Variants in THNSL1 observed in about 807,000 individuals in gnomAD.
The protein encoded by THNSL1 is threonine synthase-like 1.
In THNSL1, 48 loss-of-function variants were observed where a neutral mutation model predicts 50.4. The observed-to-expected ratio is 0.95, with a 90% CI of 0.76 to 1.21. The LOEUF (loss-of-function observed/expected upper bound fraction) is 1.21, where lower values mean the gene tolerates loss of function less well. Ranked by LOEUF, THNSL1 falls within the 50% of genes most tolerant of loss-of-function variation. The probability of loss-of-function intolerance (pLI) is 0.00; values close to 1 mark genes in which losing one functional copy is unlikely to be tolerated. For synonymous variants in THNSL1, 309 were observed against 306.1 expected (o/e 1.01, Z -0.10); for missense variants, 896 against 871.7 (o/e 1.03, Z -0.35).
At chr10:24,964,361 T>C in the THNSL1 span, among the ~76,000 whole-genome samples, 347 of 152,328 alleles carry the variant, frequency 2.3e-3, 3 homozygotes, top group African/African-American at 7.1e-3. Context: ...CTCATGAATA[T>C]GGGAATAACG....
intron 1 of THNSL1, chr10:25,016,915 C>G (rs961510892): frequency 2.0e-5 from 3 of 152,558 alleles, no homozygotes; most frequent in African/African-American, 7.2e-5. Context: ...GCGCATTTTT[C>G]CTGCTGCTTC....
chr10:24,972,674 C>T, the THNSL1 span, among the ~76,000 whole-genome samples: 1 of 152,050 alleles, frequency 6.6e-6, no homozygotes, highest in Non-Finnish European at 1.5e-5. Context: ...TATCAAAATG[C>T]AGATGAGGAG....
intron 1 of THNSL1, among the ~76,000 whole-genome samples, chr10:25,021,360 T>C (rs983275709): frequency 3.3e-5 from 5 of 152,218 alleles, no homozygotes; most frequent in African/African-American, 9.6e-5. Flanking sequence ...ATAGATAATA[T>C]AGCCTAAAAA....
At chr10:24,961,981 G>A in the THNSL1 span, among the ~76,000 whole-genome samples, 2 of 152,182 alleles carry the variant, frequency 1.3e-5, no homozygotes, top group Non-Finnish European at 2.9e-5. Flanking sequence ...AGAAAATAAT[G>A]TATACAGAGT....
At chr10:25,004,977 A>G in the THNSL1 span, among the ~76,000 whole-genome samples, 2 of 152,190 alleles carry the variant, frequency 1.3e-5, no homozygotes, top group Non-Finnish European at 2.9e-5. Context: ...TCTTCTGCAT[A>G]TGGCTAGCCA....
chr10:25,023,260 A>G lies in THNSL1; in HGVS notation c.37A>G (p.Ile13Val). Residue 13 changes from isoleucine to valine, a missense_variant, in exon 3 of 3, where the codon ATA becomes GTA. Transcript: ENST00000376356. The part of the protein sequence containing the change: ...HFNRCHHLKK[I>V]TQKCFSSIHV... ...TAACCGATGTCATCATCTGAAAAAG[A>G]TAACACAGAAATGTTTTTCTAGTAT... is the stretch of plus-strand genomic sequence containing the variant. 3.1e-6 allele frequency: 5 copies of G among 1,613,648 alleles called. No individual in the cohort carries two copies. Among genetic ancestry groups the G allele is most frequent in the Non-Finnish European group, 4.2e-6 (5 of 1,179,758 alleles).
At chr10:24,999,265 C>A in the THNSL1 span, 2 of 838,902 alleles carry the variant, frequency 2.4e-6, no homozygotes, top group South Asian at 2.0e-5. Context: ...CTTCCACTTT[C>A]TCCTAGTCAA....
At chr10:24,985,012 C>A in the THNSL1 span, 8 of 864,006 alleles carry the variant, frequency 9.3e-6, no homozygotes, top group East Asian at 7.6e-5. Context: ...AAGAAACTGA[C>A]AAAAATAACT....
At chr10:25,022,614 A>G (rs892398225) in intron 2 of THNSL1, among the ~76,000 whole-genome samples, 8 of 152,218 alleles carry the variant, frequency 5.3e-5, no homozygotes, top group Admixed American at 2.0e-4. Context: ...ATAAGCAAAT[A>G]TGTTCTTTTA....
At position 25,025,069 on chromosome 10, in the gene THNSL1, G is replaced by C. The variant is rs749687544; in HGVS notation, c.1846G>C (p.Ala616Pro). 3 of 1,614,182 alleles carry C rather than the reference G, an allele frequency of 1.9e-6. No individual in the cohort carries two copies. The highest frequency in any genetic ancestry group is 2.5e-6 in the Non-Finnish European group (3 of 1,180,036). The change falls in exon 3 of 3, where the codon GCT becomes CCT. Residue 616 changes from alanine to proline, a missense_variant. Coordinates refer to ENST00000376356, the MANE Select transcript of THNSL1 (RefSeq NM_024838.5). ...TGAGAAACTTCAGCAGGATTTTGTA[G>C]CTGACTGGTGCTCTGAGGGAGAGTG... ...LVEKLQQDFVADWCSEGECLA... is the reference protein window; with the variant it reads ...LVEKLQQDFVPDWCSEGECLA...
At chr10:24,955,532 G>C in the THNSL1 span, among the ~76,000 whole-genome samples, 1 of 152,172 alleles carries the variant, frequency 6.6e-6, no homozygotes, top group Non-Finnish European at 1.5e-5. Flanking sequence ...TAACATGCAA[G>C]AGAATTCTTT....
At chr10:24,957,298 T>C in the THNSL1 span, among the ~76,000 whole-genome samples, 1 of 152,244 alleles carries the variant, frequency 6.6e-6, no homozygotes, top group Non-Finnish European at 1.5e-5. Flanking sequence ...CATAATGTCC[T>C]CCAGGTTCAT....
chr10:24,992,878 C>A, the THNSL1 span, among the ~76,000 whole-genome samples: 1 of 152,148 alleles, frequency 6.6e-6, no homozygotes, highest in African/African-American at 2.4e-5. Context: ...TGAGACAGGC[C>A]AATCCACTTC....
chr10:24,968,928 C>G, the THNSL1 span, among the ~76,000 whole-genome samples: 10,099 of 152,258 alleles, frequency 0.066, 1,100 homozygotes, highest in African/African-American at 0.23. Flanking sequence ...GAGTCTCGCT[C>G]TGTCACCCAG....
At chr10:24,979,879 GC>G in the THNSL1 span, among the ~76,000 whole-genome samples, 5 of 151,544 alleles carry the variant, frequency 3.3e-5, no homozygotes, top group African/African-American at 1.2e-4. Context: ...TGGCGGCCCC[GC>G]CCCCGCCTCC....
the THNSL1 span, among the ~76,000 whole-genome samples, chr10:24,986,377 G>C: frequency 6.6e-6 from 1 of 152,174 alleles, no homozygotes; most frequent in Non-Finnish European, 1.5e-5. Flanking sequence ...AAGGATCTGG[G>C]AAAGGGAAAG....
the THNSL1 span, among the ~76,000 whole-genome samples, chr10:24,969,107 T>G: frequency 6.6e-6 from 1 of 152,208 alleles, no homozygotes. Flanking sequence ...TTGGTCAGGC[T>G]GGTCTGGAAC....
chr10:24,993,299 T>C, the THNSL1 span, among the ~76,000 whole-genome samples: 1 of 152,210 alleles, frequency 6.6e-6, no homozygotes, highest in Non-Finnish European at 1.5e-5. Context: ...TACTATTCAC[T>C]CTTTGTTCTT....
At chr10:24,999,402 G>A in the THNSL1 span, 1 of 1,603,022 alleles carries the variant, frequency 6.2e-7, no homozygotes, top group Non-Finnish European at 8.5e-7. Context: ...AAAACCTACT[G>A]GGTGGTAGAG....
Sources: allele counts gnomAD v4.1 joint callset (sites outside exome capture counted in the v4.1 genomes callset), GRCh38; gene constraint gnomAD v4.1.1; transcripts MANE v1.5; gene names NCBI Gene and HGNC (gene_info 2026-07-23, HGNC 2026-07-21).